The following ARMH3 variants were observed in gnomAD, a reference collection of about 807,000 sequenced individuals.
The protein encoded by ARMH3 is armadillo like helical domain containing 3, also known as armadillo-like helical domain-containing protein 3.
Under a neutral mutation model 99.1 loss-of-function variants are expected in ARMH3, and 60 were observed. The ratio of observed to expected loss-of-function variants is 0.61; its 90% CI spans 0.49 to 0.75. The LOEUF is 0.75. Ranked by LOEUF, ARMH3 falls within the 30% of genes least tolerant of loss-of-function variation. The probability of loss-of-function intolerance (pLI) is 0.00; values close to 1 mark genes in which losing one functional copy is unlikely to be tolerated. For synonymous variants in ARMH3, 285 were observed against 292.8 expected (o/e 0.97, Z 0.27); for missense variants, 679 against 843.1 (o/e 0.81, Z 2.41).
chr10:102,025,893 C>A (rs2066990540), intron 5 of ARMH3, among the ~76,000 whole-genome samples: 1 of 152,122 alleles, frequency 6.6e-6, no homozygotes, highest in Admixed American at 6.6e-5. Context: ...CTCAAGTGAT[C>A]CTCAGCCTCC....
chr10:101,853,965 T>G (rs2066672332), intron 24 of ARMH3, among the ~76,000 whole-genome samples: 1 of 152,022 alleles, frequency 6.6e-6, no homozygotes, highest in Admixed American at 6.6e-5. Flanking sequence ...ATACAAAAAT[T>G]AGCTGGGTGC....
At chr10:101,883,522 A>G (rs1036956649) in intron 24 of ARMH3, among the ~76,000 whole-genome samples, 5 of 152,178 alleles carry the variant, frequency 3.3e-5, no homozygotes, top group Non-Finnish European at 5.9e-5. Flanking sequence ...CCATTTCAGC[A>G]TACTTCTGTG....
intron 9 of ARMH3, among the ~76,000 whole-genome samples, chr10:102,013,103 G>A (rs1356158097): frequency 6.6e-6 from 1 of 152,174 alleles, no homozygotes; most frequent in Non-Finnish European, 1.5e-5. Flanking sequence ...CAATTAAAAT[G>A]GATTATCAAG....
At chr10:101,995,523 T>C (rs796237167) in intron 15 of ARMH3, among the ~76,000 whole-genome samples, 168 bp from the exon 16 acceptor site, 4 of 152,332 alleles carry the variant, frequency 2.6e-5, no homozygotes, top group African/African-American at 7.2e-5. Flanking sequence ...GCTTCCCTCC[T>C]AGGCAAAAGA....
intron 22 of ARMH3, among the ~76,000 whole-genome samples, chr10:101,940,814 G>T (rs1172425859): frequency 7.0e-6 from 1 of 143,718 alleles, no homozygotes; most frequent in Non-Finnish European, 1.6e-5. Flanking sequence ...AGAGAGGAAA[G>T]ATAATAGAAA....
intron 1 of ARMH3, among the ~76,000 whole-genome samples, chr10:102,053,660 A>ATTTT (rs773324618): frequency 1.4e-5 from 2 of 143,134 alleles, no homozygotes; most frequent in Admixed American, 1.4e-4. Flanking sequence ...CACTGTATAA[A>ATTTT]TTTTTTTTTT....
chr10:101,889,979 G>C (rs544807282), intron 23 of ARMH3, among the ~76,000 whole-genome samples: 1 of 152,184 alleles, frequency 6.6e-6, no homozygotes, highest in South Asian at 2.1e-4. Flanking sequence ...CAACCCAAAA[G>C]CTGAGTGTCA....
intron 1 of ARMH3, among the ~76,000 whole-genome samples, chr10:102,049,429 C>T (rs1034876169): frequency 6.6e-6 from 1 of 151,992 alleles, no homozygotes; most frequent in African/African-American, 2.4e-5. Flanking sequence ...GTAATCCCAG[C>T]TACTCAGGAG....
At chr10:101,925,978 C>T (rs1843493984) in intron 23 of ARMH3, among the ~76,000 whole-genome samples, 1 of 152,056 alleles carries the variant, frequency 6.6e-6, no homozygotes, top group Non-Finnish European at 1.5e-5. Flanking sequence ...CACTGTTTCT[C>T]TAAGTATTCA....
rs545792840 is a variant in ARMH3 at position 101,939,721 on chromosome 10, T to A, written c.1781+142A>T. 1.0e-5 allele frequency: 6 copies of A among 595,460 alleles called. No individual in the cohort carries two copies. The South Asian group carries it at 1.4e-4, about 14-fold the overall frequency. The allele number at this position is 595,460 out of a possible 1,614,324, so 36.9% of individuals were successfully genotyped here. On this transcript the variant is annotated intron_variant, in intron 23 of 25. Coordinates refer to ENST00000370033, the MANE Select transcript of ARMH3 (RefSeq NM_024541.3). ...CCTCGTGTACTCCTGCTTTTCTTGA[T>A]CAAGTACGACAATTTTTCTTCCACT... is the stretch of plus-strand genomic sequence containing the variant.
At chr10:101,865,503 T>C (rs922653648) in intron 24 of ARMH3, among the ~76,000 whole-genome samples, 5 of 152,248 alleles carry the variant, frequency 3.3e-5, no homozygotes, top group Admixed American at 1.3e-4. Context: ...TTTTTTTCTT[T>C]TTTGAGACAG....
intron 20 of ARMH3, among the ~76,000 whole-genome samples, chr10:101,973,494 TAA>T (rs1349227622): frequency 6.7e-6 from 1 of 149,828 alleles, no homozygotes; most frequent in African/African-American, 2.5e-5. Context: ...TTCATACCAA[TAA>T]AAGTGTCGAT....
At chr10:101,855,214 C>T (rs2066708821) in intron 24 of ARMH3, among the ~76,000 whole-genome samples, 1 of 139,792 alleles carries the variant, frequency 7.2e-6, no homozygotes, top group South Asian at 2.5e-4. Flanking sequence ...ATTACAGGTG[C>T]CTGCCACCAC....
chr10:101,862,991 G>A (rs1412644365), intron 24 of ARMH3, among the ~76,000 whole-genome samples: 1 of 152,028 alleles, frequency 6.6e-6, no homozygotes, highest in Non-Finnish European at 1.5e-5. Context: ...ATCACCTGAG[G>A]TCGGGAGTTC....
At chr10:102,048,705 A>ATC (rs2067616863) in intron 1 of ARMH3, among the ~76,000 whole-genome samples, 1 of 152,130 alleles carries the variant, frequency 6.6e-6, no homozygotes. Flanking sequence ...GATTACAGGC[A>ATC]TGAGCCACCG....
chr10:101,853,535 G>C (rs1375460924), intron 24 of ARMH3, among the ~76,000 whole-genome samples: 1 of 152,198 alleles, frequency 6.6e-6, no homozygotes, highest in Non-Finnish European at 1.5e-5. Flanking sequence ...ACCACAATTT[G>C]CAGCCTCAGT....
At chr10:102,053,313 G>C (rs1455648834) in intron 1 of ARMH3, among the ~76,000 whole-genome samples, 1 of 148,900 alleles carries the variant, frequency 6.7e-6, no homozygotes, top group African/African-American at 2.5e-5. Context: ...CACACATCCT[G>C]TTTGGGACAA....
intron 24 of ARMH3, among the ~76,000 whole-genome samples, chr10:101,857,215 T>C (rs1285621852): frequency 6.6e-6 from 1 of 152,168 alleles, no homozygotes; most frequent in Non-Finnish European, 1.5e-5. Flanking sequence ...GCAAGCACTT[T>C]GGAAGGCCGA....
At chr10:102,034,113 C>G (rs910667383) in intron 2 of ARMH3, among the ~76,000 whole-genome samples, 1 of 152,152 alleles carries the variant, frequency 6.6e-6, no homozygotes, top group African/African-American at 2.4e-5. Flanking sequence ...TTCAGATCAC[C>G]TCAGTAATAC....
Sources: gnomAD v4.1 joint callset for allele counts (sites outside exome capture counted in the v4.1 genomes callset) on GRCh38, gnomAD v4.1.1 for gene constraint, MANE v1.5 for transcripts, NCBI Gene and HGNC (gene_info 2026-07-23, HGNC 2026-07-21) for gene names.